Variants in PRRG4 observed in about 807,000 individuals in gnomAD.
PRRG4 encodes the protein proline rich and Gla domain 4.
Under a neutral mutation model 20.0 loss-of-function variants are expected in PRRG4, and 12 were observed. That is an observed-to-expected ratio of 0.60 (90% CI 0.38 to 0.97). The LOEUF is 0.97. Among genes scored for constraint, PRRG4 ranks in the 50% least tolerant of loss-of-function variants. The pLI is 0.00. For missense variants in PRRG4, 199 were observed against 265.1 expected, an observed-to-expected ratio of 0.75 and a Z score of 1.73; for synonymous variants, 94 against 96.4, an observed-to-expected ratio of 0.98 and a Z score of 0.15.
At chr11:32,836,909 T>A in intron 3 of PRRG4, 88 bp downstream of exon 3, 1 of 1,054,272 alleles carries the variant, frequency 9.5e-7, no homozygotes, top group East Asian at 2.4e-5. Context: ...TTTTATGCCT[T>A]AAACACAATC....
chr11:32,849,585 A>G (rs1302503307), intron 5 of PRRG4, among the ~76,000 whole-genome samples: 2 of 151,840 alleles, frequency 1.3e-5, no homozygotes, highest in African/African-American at 4.8e-5. Flanking sequence ...AAACGCTTGA[A>G]CCCAGGAGGC....
rs1565113865 is a variant in PRRG4 at position 32,837,537 on chromosome 11, TG to T, written c.267+717del. Among the ~76,000 whole-genome samples the T allele has an allele frequency of 4.8e-3, 475 of 98,902 alleles. 2 individuals are homozygous for T. The highest frequency in any genetic ancestry group is 0.01 in the Admixed American group (96 of 9,524). 64.9% of individuals were successfully genotyped at this position (98,902 alleles called of 152,430 possible). A position where few individuals can be genotyped will look rare whatever the true frequency, so the allele number is the denominator to read the frequency against. ...ATGATGATGATGATGATGATGATGA[TG>T]ATGATTATTATTATTATTATTATTA... On this transcript the variant is annotated intron_variant, in intron 3 of 5. Transcript: ENST00000257836.
chr11:32,842,801 G>T (rs1851090901), intron 5 of PRRG4, among the ~76,000 whole-genome samples: 1 of 152,078 alleles, frequency 6.6e-6, no homozygotes. Context: ...AAATATAAAA[G>T]ATACATTTTC....
At chr11:32,847,901 G>C (rs915684134) in intron 5 of PRRG4, among the ~76,000 whole-genome samples, 1 of 152,208 alleles carries the variant, frequency 6.6e-6, no homozygotes, top group Non-Finnish European at 1.5e-5. Flanking sequence ...ACTGTTGTAT[G>C]ATTCCACTTA....
At chr11:32,843,702 T>G (rs1851100794) in intron 5 of PRRG4, among the ~76,000 whole-genome samples, 1 of 149,216 alleles carries the variant, frequency 6.7e-6, no homozygotes, top group Non-Finnish European at 1.5e-5. Flanking sequence ...GTTGATTCAC[T>G]GTTGTGCAAC....
chr11:32,830,040 C>A lies in PRRG4; in HGVS notation c.-156C>A, dbSNP rs924667556. On this transcript the variant is annotated 5_prime_UTR_variant, in exon 1 of 6. Transcript: ENST00000257836. ...GGTTTGCGCGCGGGGGCCATCCAGA[C>A]CCTGCGGAGAGCGAGGCCCGGAGCG... 12 of 987,148 alleles carry A rather than the reference C, an allele frequency of 1.2e-5. No individual in the cohort carries two copies. In the East Asian group the frequency reaches 7.9e-4, roughly 65 times the overall value. The allele number at this position is 987,148 out of a possible 1,614,324, so 61.1% of individuals were successfully genotyped here.
intron 5 of PRRG4, among the ~76,000 whole-genome samples, chr11:32,844,467 CTATTATTATTATTAT>C (rs148170116): frequency 0.15 from 21,427 of 143,032 alleles, 1,801 homozygotes; most frequent in South Asian, 0.24. Context: ...TAAATGTTAG[CTATTATTATTATTAT>C]TATTATTATT....
intron 5 of PRRG4, among the ~76,000 whole-genome samples, chr11:32,848,845 G>A (rs1182109454): frequency 6.6e-6 from 1 of 151,896 alleles, no homozygotes; most frequent in East Asian, 1.9e-4. Context: ...GATGGCAGGT[G>A]CCTGTAATCC....
At position 32,830,088 on chromosome 11, in the gene PRRG4, G is replaced by A. The variant is rs1400533447; in HGVS notation, c.-108G>A. On this transcript the variant is annotated 5_prime_UTR_variant, in exon 1 of 6. Coordinates refer to ENST00000257836, the MANE Select transcript of PRRG4 (RefSeq NM_024081.6). ...GCGTCGCCGAGGTTTGAGGGCGCCG[G>A]AGACCGAGGGCCTGGCGGCCGAAGG... The A allele has an allele frequency of 2.0e-6, 2 of 990,582 alleles. No homozygotes were observed. Among genetic ancestry groups the A allele is most frequent in the South Asian group, 4.7e-5 (1 of 21,408 alleles). The allele number at this position is 990,582 out of a possible 1,614,324, so 61.4% of individuals were successfully genotyped here.
rs991479910 is a variant in PRRG4 at position 32,856,366 on chromosome 11, G to C, written c.*2839G>C. ...CATCATTAAGATTGTGATATTTATAGAGCATCCAATGTGGAGATCATGATA... is the reference window on the plus strand; with the variant it reads ...CATCATTAAGATTGTGATATTTATACAGCATCCAATGTGGAGATCATGATA... On this transcript the variant is annotated 3_prime_UTR_variant, in exon 6 of 6. Coordinates refer to ENST00000257836, the MANE Select transcript of PRRG4 (RefSeq NM_024081.6). The C allele has an allele frequency of 5.9e-5, 9 of 152,162 alleles. No homozygotes were observed. Among genetic ancestry groups the C allele is most frequent in the African/African-American group, 2.2e-4 (9 of 41,424 alleles). 9.4% of individuals were successfully genotyped at this position (152,162 alleles called of 1,614,324 possible).
intron 5 of PRRG4, among the ~76,000 whole-genome samples, chr11:32,850,827 T>G (rs912072148): frequency 6.6e-6 from 1 of 152,158 alleles, no homozygotes; most frequent in African/African-American, 2.4e-5. Context: ...CCCAGCACTT[T>G]GGGAGGCCGA....
intron 2 of PRRG4, among the ~76,000 whole-genome samples, chr11:32,834,301 C>T (rs1160314876): frequency 6.6e-6 from 1 of 152,104 alleles, no homozygotes; most frequent in Non-Finnish European, 1.5e-5. Context: ...GTAGGAATCC[C>T]AGTGAGGGGT....
chr11:32,851,339 ATC>A (rs1337569981), intron 5 of PRRG4, among the ~76,000 whole-genome samples: 2 of 152,202 alleles, frequency 1.3e-5, no homozygotes, highest in African/African-American at 4.8e-5. Context: ...CAAATAAAAT[ATC>A]TGTCTCCTCC....
Position 32,854,458 on chromosome 11 carries a change from T to G in PRRG4, c.*931T>G, listed in dbSNP as rs1368920237. On this transcript the variant is annotated 3_prime_UTR_variant, in exon 6 of 6. Coordinates refer to ENST00000257836, the MANE Select transcript of PRRG4 (RefSeq NM_024081.6). ...CTCTAATCCCAGCTACTGGGGAGGCTGAGGTGGGAGAATCGCTTGAACTCG... is the reference window on the plus strand; with the variant it reads ...CTCTAATCCCAGCTACTGGGGAGGCGGAGGTGGGAGAATCGCTTGAACTCG... 2.7e-5 allele frequency: 4 copies of G among 149,674 alleles called. No individual in the cohort carries two copies. Among genetic ancestry groups the G allele is most frequent in the Non-Finnish European group, 4.4e-5 (3 of 67,894 alleles). The allele number at this position is 149,674 out of a possible 1,614,324, so 9.3% of individuals were successfully genotyped here.
intron 5 of PRRG4, among the ~76,000 whole-genome samples, chr11:32,844,470 T>C (rs1244969642): frequency 2.8e-4 from 1 of 3,516 alleles, no homozygotes; most frequent in Non-Finnish European, 4.3e-4. Context: ...ATGTTAGCTA[T>C]TATTATTATT....
rs577890877 is a variant in PRRG4 at position 32,830,140 on chromosome 11, C to G, written c.-56C>G. Reference sequence around the variant, plus strand: ...ACCGCCCCAAGAAGAGCCTCTGGCCCGGGGGCTGCTGGAACATGTGCGGGG... The same window carrying G: ...ACCGCCCCAAGAAGAGCCTCTGGCCGGGGGGCTGCTGGAACATGTGCGGGG... On this transcript the variant is annotated 5_prime_UTR_variant, in exon 1 of 6. Transcript: ENST00000257836. 43 of 1,005,344 alleles carry G rather than the reference C, an allele frequency of 4.3e-5. No individual in the cohort carries two copies. The highest frequency in any genetic ancestry group is 4.9e-4 in the Middle Eastern group (1 of 2,026). 62.3% of individuals were successfully genotyped at this position (1,005,344 alleles called of 1,614,324 possible). A position where few individuals can be genotyped will look rare whatever the true frequency, so the allele number is the denominator to read the frequency against.
At chr11:32,848,971 T>TAA (rs1554974458) in intron 5 of PRRG4, among the ~76,000 whole-genome samples, 222 of 120,784 alleles carry the variant, frequency 1.8e-3, no homozygotes, top group Admixed American at 2.4e-3. Context: ...GACTCTGTCT[T>TAA]AAAAAAAAAA....
chr11:32,853,889 T>A lies in PRRG4; in HGVS notation c.*362T>A. The A allele has an allele frequency of 3.0e-4, 47 of 157,170 alleles. No individual in the cohort carries two copies. The highest frequency in any genetic ancestry group is 9.8e-4 in the South Asian group (7 of 7,132). The allele number at this position is 157,170 out of a possible 1,614,324, so 9.7% of individuals were successfully genotyped here. ...AGAAAAGAGAAGAAGGAGAAGGAGA[T>A]GAAGGAGGAGGAGGAGGAGAAGGAG... is the stretch of plus-strand genomic sequence containing the variant. On this transcript the variant is annotated 3_prime_UTR_variant, in exon 6 of 6. Transcript: ENST00000257836.
chr11:32,830,433 G>T, intron 1 of PRRG4, 75 bp from the exon 2 acceptor site: 1 of 1,174,452 alleles, frequency 8.5e-7, no homozygotes, highest in Non-Finnish European at 1.1e-6. Flanking sequence ...ACAGGTTGGT[G>T]ATTCAGTTCG....
Sources: allele counts gnomAD v4.1 joint callset (sites outside exome capture counted in the v4.1 genomes callset), GRCh38; gene constraint gnomAD v4.1.1; transcripts MANE v1.5; gene names NCBI Gene and HGNC (gene_info 2026-07-23, HGNC 2026-07-21).